Variants in WDR97 observed in about 807,000 individuals in gnomAD.
WDR97 encodes the protein WD repeat domain 97.
A neutral mutation model predicts 65.4 loss-of-function variants in WDR97; 111 were observed. The observed-to-expected ratio is 1.70, with a 90% CI of 1.45 to 1.99. The LOEUF (loss-of-function observed/expected upper bound fraction) is 1.99. Ranked by LOEUF, WDR97 falls within the 30% of genes most tolerant of loss-of-function variation. WDR97 has a pLI of 0.00. For missense variants in WDR97, 1,674 were observed against 865.0 expected, an observed-to-expected ratio of 1.94 and a Z score of -11.73; for synonymous variants, 802 against 397.7, an observed-to-expected ratio of 2.02 and a Z score of -12.10.
chr8:144,109,869 A>C lies in WDR97; in HGVS notation c.1535A>C (p.His512Pro). Residue 512 changes from histidine to proline, a missense_variant, in exon 5 of 24, where the codon CAC becomes CCC. Physicochemically the swap from His to Pro is moderately conservative, Grantham distance 77. Transcript: ENST00000323662. ...NAARCPMSVLHRVCPPPPPAP... is the reference protein window; with the variant it reads ...NAARCPMSVLPRVCPPPPPAP... ...GCGCGCTGCCCCATGAGCGTGCTGC[A>C]CCGCGTGTGCCCGCCGCCGCCCCCT... 1 of 700,414 alleles carries C rather than the reference A, an allele frequency of 1.4e-6. No homozygotes were observed. Among genetic ancestry groups the C allele is most frequent in the Non-Finnish European group, 2.6e-6 (1 of 383,858 alleles). The allele number at this position is 700,414 out of a possible 1,614,324, so 43.4% of individuals were successfully genotyped here.
In WDR97 at chr8:144,118,265, G is replaced by A. The variant is rs980423770; in HGVS notation, c.*1972G>A. On this transcript the variant is annotated 3_prime_UTR_variant, in exon 24 of 24. Coordinates refer to ENST00000323662, the MANE Select transcript of WDR97 (RefSeq NM_001316309.2). The stretch of plus-strand genomic sequence containing the variant: ...CAGGAGGTGGAGGTTGCAGCAAGCA[G>A]AGATCACACCACTGCACTACAGCCT... 6.6e-6 allele frequency: 1 copy of A among 151,594 alleles called. No individual in the cohort carries two copies. The highest frequency in any genetic ancestry group is 1.9e-4 in the East Asian group (1 of 5,142). The allele number at this position is 151,594 out of a possible 1,614,324, so 9.4% of individuals were successfully genotyped here. A position where few individuals can be genotyped will look rare whatever the true frequency, so the allele number is the denominator to read the frequency against.
chr8:144,116,514 G>T lies in WDR97; in HGVS notation c.*221G>T. The stretch of plus-strand genomic sequence containing the variant: ...GCGGAGGTGGCCATCGTGGGCACCA[G>T]CGTTCCCGGAGGGGTGGCCGGCCTA... On this transcript the variant is annotated 3_prime_UTR_variant, in exon 24 of 24. Transcript: ENST00000323662. 1 of 496,474 alleles carries T rather than the reference G, an allele frequency of 2.0e-6. No homozygotes were observed. The highest frequency in any genetic ancestry group is 3.5e-6 in the Non-Finnish European group (1 of 283,310). The allele number at this position is 496,474 out of a possible 1,614,324, so 30.8% of individuals were successfully genotyped here.
chr8:144,115,377 C>A lies in WDR97; in HGVS notation c.4114C>A (p.Pro1372Thr), dbSNP rs751497625. ...GCAGACGTCAGTGGTCTCTGGGGCA[C>A]CCACACGCGCCTCCGTGATACCCTC... ...PSQTSVVSGA[P>T]TRASVIPSGT... The change falls in exon 22 of 24, where the codon CCC (proline) becomes ACC (threonine). Residue 1372 changes from proline to threonine, a missense_variant. Transcript: ENST00000323662. The A allele has an allele frequency of 1.6e-5, 10 of 617,090 alleles. No individual in the cohort carries two copies. The highest frequency in any genetic ancestry group is 2.9e-5 in the Non-Finnish European group (10 of 341,290). 38.2% of individuals were successfully genotyped at this position (617,090 alleles called of 1,614,324 possible).
In WDR97 at chr8:144,116,295, C is replaced by T. The variant is rs973260011; in HGVS notation, c.*2C>T. On this transcript the variant is annotated 3_prime_UTR_variant, in exon 24 of 24. Transcript: ENST00000323662. ...GCGGACCCTGACACCTACAGCTGAC[C>T]GGACTGGTGGCCTCAGCCCGCCTGG... is the stretch of plus-strand genomic sequence containing the variant. The T allele has an allele frequency of 1.1e-4, 68 of 617,378 alleles. No individual in the cohort carries two copies. Among genetic ancestry groups the T allele is most frequent in the Non-Finnish European group, 1.9e-4 (64 of 341,758 alleles). 38.2% of individuals were successfully genotyped at this position (617,378 alleles called of 1,614,324 possible). A position where few individuals can be genotyped will look rare whatever the true frequency, so the allele number is the denominator to read the frequency against.
In WDR97 at chr8:144,115,605, G is replaced by A. The variant is rs765370246; in HGVS notation, c.4342G>A (p.Glu1448Lys). 1 of 684,434 alleles carries A rather than the reference G, an allele frequency of 1.5e-6. No homozygotes were observed. Among genetic ancestry groups the A allele is most frequent in the South Asian group, 1.5e-5 (1 of 66,052 alleles). The allele number at this position is 684,434 out of a possible 1,614,324, so 42.4% of individuals were successfully genotyped here. A position where few individuals can be genotyped will look rare whatever the true frequency, so the allele number is the denominator to read the frequency against. The change falls in exon 22 of 24, where the codon GAG (glutamate) becomes AAG (lysine). Residue 1448 changes from glutamate (E) to lysine (K), a missense_variant. Coordinates refer to ENST00000323662, the MANE Select transcript of WDR97 (RefSeq NM_001316309.2). ...CGAGACGCTGAAGAGCTTCTGCCTGGAGCCCGAGGCCCGCCTGCACCCTGC... is the reference window on the plus strand; with the variant it reads ...CGAGACGCTGAAGAGCTTCTGCCTGAAGCCCGAGGCCCGCCTGCACCCTGC... ...LSETLKSFCL[E>K]PEARLHPAGP... is the part of the protein sequence containing the mutation.
Position 144,110,235 on chromosome 8 carries a change from T to G in WDR97, c.1822T>G (p.Trp608Gly), listed in dbSNP as rs1206095988. The change falls in exon 6 of 24, where the codon TGG becomes GGG. Residue 608 changes from tryptophan to glycine, a missense_variant. Transcript: ENST00000323662. ...CCCGGTTGTCGCCATCGCATCCACC[T>G]GGAACAGCATTGTGTCTTCGGGTCA... Reference protein sequence around the residue: ...PGPVVAIASTWNSIVSSGGDL... With the variant: ...PGPVVAIASTGNSIVSSGGDL... The G allele has an allele frequency of 1.4e-6, 1 of 702,762 alleles. No individual in the cohort carries two copies. The highest frequency in any genetic ancestry group is 1.7e-5 in the African/African-American group (1 of 57,260). 43.5% of individuals were successfully genotyped at this position (702,762 alleles called of 1,614,324 possible). A position where few individuals can be genotyped will look rare whatever the true frequency, so the allele number is the denominator to read the frequency against.
Position 144,113,639 on chromosome 8 carries a change from T to G in WDR97, c.3184-18T>G. 1.5e-6 allele frequency: 1 copy of G among 652,556 alleles called. No individual in the cohort carries two copies. Among genetic ancestry groups the G allele is most frequent in the Non-Finnish European group, 2.8e-6 (1 of 355,962 alleles). The allele number at this position is 652,556 out of a possible 1,614,324, so 40.4% of individuals were successfully genotyped here. The stretch of plus-strand genomic sequence containing the variant: ...TGTCCTTGCAACCCATCAGGCACCA[T>G]CTCTTGCCCCTCTGCAGCCAGGGGC... On this transcript the variant is annotated intron_variant, in intron 16 of 23. Coordinates refer to ENST00000323662, the MANE Select transcript of WDR97 (RefSeq NM_001316309.2).
rs1587622849 is a variant in WDR97, at chr8:144,109,105, G to A, written c.935G>A (p.Arg312Gln). 1 of 703,076 alleles carries A rather than the reference G, an allele frequency of 1.4e-6. No individual in the cohort carries two copies. Among genetic ancestry groups the A allele is most frequent in the Admixed American group, 2.0e-5 (1 of 50,018 alleles). The allele number at this position is 703,076 out of a possible 1,614,324, so 43.6% of individuals were successfully genotyped here. A position where few individuals can be genotyped will look rare whatever the true frequency, so the allele number is the denominator to read the frequency against. The change falls in exon 4 of 24, where the codon CGG becomes CAG. Residue 312 changes from arginine to glutamine, a missense_variant. Arg to Gln is a conservative substitution (Grantham distance 43, BLOSUM62 1). Transcript: ENST00000323662. ...GTAGAGGCAATGGTGACAGCTTCCC[G>A]GGACAGCACCGTGAAGGTGTGGGAG... ...EEVEAMVTAS[R>Q]DSTVKVWEAD... is the part of the protein sequence containing the mutation.
Position 144,108,744 on chromosome 8 carries a change from T to C in WDR97, c.678T>C (p.Arg226=), listed in dbSNP as rs4977195. The change falls in exon 3 of 24, where the codon CGT becomes CGC. Residue 226 remains arginine, a synonymous_variant. Transcript: ENST00000323662. ...MNSSLALWQF[R]SGGRRLVLRG... ...GCAGCCTGGCGCTCTGGCAGTTCCG[T>C]TCAGGTGGTCGCCGCCTGGTGCTGC... 0.91 allele frequency: 639,973 copies of C among 701,178 alleles called. 293,308 individuals carry two copies. The highest frequency in any genetic ancestry group is 1 in the East Asian group (37,108 of 37,258). The allele number at this position is 701,178 out of a possible 1,614,324, so 43.4% of individuals were successfully genotyped here.
At chr8:144,113,929 C>T in intron 17 of WDR97, 48 bp downstream of exon 17, 1 of 692,920 alleles carries the variant, frequency 1.4e-6, no homozygotes, top group Non-Finnish European at 2.6e-6. Context: ...GGTGGGCTTA[C>T]ACTGAGACCC....
rs538880985 is a variant in WDR97, at chr8:144,113,974, T to A, written c.3409-3T>A. The A allele has an allele frequency of 2.7e-5, 19 of 702,246 alleles. No homozygotes were observed. Among genetic ancestry groups the A allele is most frequent in the Non-Finnish European group, 4.7e-5 (18 of 384,714 alleles). The allele number at this position is 702,246 out of a possible 1,614,324, so 43.5% of individuals were successfully genotyped here. Reference sequence around the variant, plus strand: ...GGACCTGCAGCCACTGCTGCTCCCCTAGAGTGCTGTGGACTGGACCCAGGA... The same window carrying A: ...GGACCTGCAGCCACTGCTGCTCCCCAAGAGTGCTGTGGACTGGACCCAGGA... On this transcript the variant is annotated splice_polypyrimidine_tract_variant and splice_region_variant and intron_variant, in intron 17 of 23. Transcript: ENST00000323662.
rs867284204 is a variant in WDR97 at position 144,108,583 on chromosome 8, G to A, written c.517G>A (p.Gly173Arg). ...CCGTTTTGTAGGCTGGGGCCCCGCG[G>A]GGCTGGCAATTCTGAGGCCCAACCT... ...VGRFVGWGPA[G>R]LAILRPNLSL... The change falls in exon 3 of 24, where the codon GGG becomes AGG. Residue 173 changes from glycine (G) to arginine (R), a missense_variant. Coordinates refer to ENST00000323662, the MANE Select transcript of WDR97 (RefSeq NM_001316309.2). 5.7e-6 allele frequency: 4 copies of A among 700,866 alleles called. No homozygotes were observed. The highest frequency in any genetic ancestry group is 5.7e-4 in the Middle Eastern group (2 of 3,482). The allele number at this position is 700,866 out of a possible 1,614,324, so 43.4% of individuals were successfully genotyped here. A position where few individuals can be genotyped will look rare whatever the true frequency, so the allele number is the denominator to read the frequency against.
rs376585459 is a variant in WDR97 at position 144,116,788 on chromosome 8, G to A, written c.*495G>A. The A allele has an allele frequency of 4.4e-4, 67 of 152,946 alleles. No homozygotes were observed. The highest frequency in any genetic ancestry group is 3.4e-3 in the Middle Eastern group (1 of 294). 9.5% of individuals were successfully genotyped at this position (152,946 alleles called of 1,614,324 possible). On this transcript the variant is annotated 3_prime_UTR_variant, in exon 24 of 24. Transcript: ENST00000323662. ...TTTTATTCTGGCAAAGAGAAGAATTGACAAAGGCACCAGGAGCTTTTTTCT... is the reference window on the plus strand; with the variant it reads ...TTTTATTCTGGCAAAGAGAAGAATTAACAAAGGCACCAGGAGCTTTTTTCT...
Position 144,110,446 on chromosome 8 carries a change from C to G in WDR97, c.1949C>G (p.Ala650Gly), listed in dbSNP as rs1323487145. The G allele has an allele frequency of 2.8e-6, 2 of 703,036 alleles. No homozygotes were observed. Among genetic ancestry groups the G allele is most frequent in the Admixed American group, 4.0e-5 (2 of 50,030 alleles). 43.5% of individuals were successfully genotyped at this position (703,036 alleles called of 1,614,324 possible). A position where few individuals can be genotyped will look rare whatever the true frequency, so the allele number is the denominator to read the frequency against. The change falls in exon 7 of 24, where the codon GCG (alanine) becomes GGG (glycine). Residue 650 changes from alanine to glycine, a missense_variant. Transcript: ENST00000323662. ...TGCTACCCGGCCGTGGCGCTCTGTG[C>G]GCTAGGCAGACGCGTCACCGCGGGC... ...SCCYPAVALC[A>G]LGRRVTAGFE...
In WDR97 at chr8:144,114,228, G is replaced by T. The variant is rs909788461; in HGVS notation, c.3595-50G>T. 1.0e-5 allele frequency: 7 copies of T among 693,832 alleles called. No homozygotes were observed. The African/African-American group carries it at 1.2e-4, about 12-fold the overall frequency. 43.0% of individuals were successfully genotyped at this position (693,832 alleles called of 1,614,324 possible). A position where few individuals can be genotyped will look rare whatever the true frequency, so the allele number is the denominator to read the frequency against. The stretch of plus-strand genomic sequence containing the variant: ...GTGAGGGACAGGGGAGAAGGTAGGG[G>T]CTGGCTTGGGTGTGACATGGGAGCA... On this transcript the variant is annotated intron_variant, in intron 18 of 23. Transcript: ENST00000323662.
rs761611511 is a variant in WDR97, at chr8:144,110,267, C to T, written c.1843+11C>T. ...GCATTGTGTCTTCGGGTCAGTAGCT[C>T]CCCTGCCAAAGGCCAGGCCGCCACA... On this transcript the variant is annotated intron_variant, in intron 6 of 23. Coordinates refer to ENST00000323662, the MANE Select transcript of WDR97 (RefSeq NM_001316309.2). The T allele has an allele frequency of 2.6e-5, 18 of 702,192 alleles. No homozygotes were observed. Among genetic ancestry groups the T allele is most frequent in the Middle Eastern group, 2.3e-4 (1 of 4,368 alleles). The allele number at this position is 702,192 out of a possible 1,614,324, so 43.5% of individuals were successfully genotyped here.
Position 144,112,536 on chromosome 8 carries a change from A to T in WDR97, c.3105+6A>T, listed in dbSNP as rs748279485. The T allele has an allele frequency of 8.6e-6, 6 of 700,914 alleles. No individual in the cohort carries two copies. In the Middle Eastern group the frequency reaches 9.2e-4, roughly 107 times the overall value. The allele number at this position is 700,914 out of a possible 1,614,324, so 43.4% of individuals were successfully genotyped here. A position where few individuals can be genotyped will look rare whatever the true frequency, so the allele number is the denominator to read the frequency against. On this transcript the variant is annotated splice_donor_region_variant and intron_variant, in intron 15 of 23. Transcript: ENST00000323662. ...CCACCGTGCAGCCCCACAAGGTGAG[A>T]CCCCCTCCCAGCTCCTGGAGAGCCA...
intron 15 of WDR97, chr8:144,113,072 C>A: frequency 2.6e-6 from 1 of 390,790 alleles, no homozygotes; most frequent in Non-Finnish European, 4.6e-6. Flanking sequence ...CTTCATTGCC[C>A]TTTCTCCAAG....
At chr8:144,111,811 C>G (rs540335864) in intron 12 of WDR97, 30 bp downstream of exon 12, 1 of 693,074 alleles carries the variant, frequency 1.4e-6, no homozygotes, top group South Asian at 1.5e-5. Flanking sequence ...CAGCCCAGCC[C>G]TGACCCTGGC....
Sources: gnomAD v4.1 joint callset for allele counts on GRCh38, gnomAD v4.1.1 for gene constraint, MANE v1.5 for transcripts, NCBI Gene and HGNC (gene_info 2026-07-23, HGNC 2026-07-21) for gene names.